The following ERBB4 variants were observed in gnomAD, a reference collection of about 807,000 sequenced individuals.
The protein encoded by ERBB4 is erb-b2 receptor tyrosine kinase 4.
In ERBB4, 42 loss-of-function variants were observed where a neutral mutation model predicts 158.0. That is an observed-to-expected ratio of 0.27 (90% CI 0.21 to 0.34). The LOEUF (loss-of-function observed/expected upper bound fraction) is 0.34, where lower values mean the gene tolerates loss of function less well. ERBB4 is among the 10% of genes least tolerant of loss of function. ERBB4 has a pLI of 1.00. For synonymous variants in ERBB4, 583 were observed against 558.7 expected (o/e 1.04, Z -0.61); for missense variants, 1,333 against 1,624.1 (o/e 0.82, Z 3.08).
intron 7 of ERBB4, among the ~76,000 whole-genome samples, chr2:211,720,628 T>C (rs545869203): frequency 1.3e-5 from 2 of 152,320 alleles, no homozygotes; most frequent in East Asian, 1.9e-4. Context: ...CTTATGTTCA[T>C]CTACATGCTG....
chr2:212,378,968 G>C (rs1198352704), intron 1 of ERBB4, among the ~76,000 whole-genome samples: 2 of 151,624 alleles, frequency 1.3e-5, no homozygotes, highest in Non-Finnish European at 3.0e-5. Context: ...GCACCCAGTT[G>C]TTTTTTCTTT....
intron 3 of ERBB4, among the ~76,000 whole-genome samples, chr2:211,832,595 T>C (rs1287611437): frequency 6.6e-6 from 1 of 150,662 alleles, no homozygotes; most frequent in African/African-American, 2.4e-5. Flanking sequence ...TATATACACA[T>C]AAACGTGTGT....
At chr2:211,573,910 C>A (rs1574782287) in intron 19 of ERBB4, among the ~76,000 whole-genome samples, 1 of 152,106 alleles carries the variant, frequency 6.6e-6, no homozygotes, top group African/African-American at 2.4e-5. Flanking sequence ...ATGTTGCTAC[C>A]AAATCTTTAG....
intron 19 of ERBB4, among the ~76,000 whole-genome samples, chr2:211,562,900 T>C (rs1206732112): frequency 1.3e-5 from 2 of 150,484 alleles, no homozygotes; most frequent in African/African-American, 4.9e-5. Context: ...GCCTCCCAAG[T>C]AGCTGGGACT....
intron 1 of ERBB4, among the ~76,000 whole-genome samples, chr2:212,297,965 A>C (rs1480020829): frequency 1.3e-5 from 2 of 150,828 alleles, no homozygotes; most frequent in Non-Finnish European, 3.0e-5. Context: ...AATAGCAAAT[A>C]AGTAAGAACA....
At chr2:211,829,655 T>C (rs1466380259) in intron 3 of ERBB4, among the ~76,000 whole-genome samples, 1 of 152,128 alleles carries the variant, frequency 6.6e-6, no homozygotes, top group Non-Finnish European at 1.5e-5. Context: ...TAACATATAT[T>C]GCATTAAAAA....
rs2073578338 is a variant in ERBB4, at chr2:211,709,248, T to TACAC, written c.1124+2801_1124+2802insGTGT. Among the ~76,000 whole-genome samples the TACAC allele has an allele frequency of 9.7e-5, 8 of 82,298 alleles. No individual in the cohort carries two copies. The South Asian group carries it at 2.1e-3, about 21-fold the overall frequency. The allele number at this position is 82,298 out of a possible 152,430, so 54.0% of individuals were successfully genotyped here. ...ATGCGTGTGTGTGTATATATATATA[T>TACAC]ATACACATATATATATATATATATA... is the stretch of plus-strand genomic sequence containing the variant. On this transcript the variant is annotated intron_variant, in intron 9 of 27. Transcript: ENST00000342788.
intron 2 of ERBB4, among the ~76,000 whole-genome samples, chr2:211,986,977 C>G (rs1359746265): frequency 6.6e-6 from 1 of 151,942 alleles, no homozygotes; most frequent in African/African-American, 2.4e-5. Flanking sequence ...TATGAAAACA[C>G]AAAATATAAA....
At chr2:212,044,341 G>A (rs969490720) in intron 2 of ERBB4, among the ~76,000 whole-genome samples, 2 of 152,018 alleles carry the variant, frequency 1.3e-5, no homozygotes, top group Non-Finnish European at 2.9e-5. Flanking sequence ...CAAGATATAA[G>A]TACAAGTTTA....
chr2:211,929,773 T>A (rs2080123410), intron 3 of ERBB4, among the ~76,000 whole-genome samples: 1 of 152,216 alleles, frequency 6.6e-6, no homozygotes, highest in African/African-American at 2.4e-5. Flanking sequence ...TGGCTATGCA[T>A]AATAGTTAGA....
At chr2:211,522,956 T>C (rs1319908169) in intron 20 of ERBB4, among the ~76,000 whole-genome samples, 1 of 151,558 alleles carries the variant, frequency 6.6e-6, no homozygotes, top group African/African-American at 2.4e-5. Context: ...ATCGTGGAGG[T>C]ACACCTATAC....
intron 2 of ERBB4, among the ~76,000 whole-genome samples, chr2:212,118,531 A>G (rs1212474200): frequency 6.8e-6 from 1 of 146,826 alleles, no homozygotes; most frequent in African/African-American, 2.5e-5. Context: ...ATGTCTTACG[A>G]AGAGTAGTTG....
intron 2 of ERBB4, among the ~76,000 whole-genome samples, chr2:212,034,328 A>G (rs978595445): frequency 6.6e-6 from 1 of 151,996 alleles, no homozygotes; most frequent in Non-Finnish European, 1.5e-5. Flanking sequence ...TAATGGACAA[A>G]ATATATAAAA....
At chr2:211,571,056 T>TG (rs1334214254) in intron 19 of ERBB4, among the ~76,000 whole-genome samples, 4 of 144,254 alleles carry the variant, frequency 2.8e-5, no homozygotes, top group African/African-American at 5.4e-5. Context: ...TTTTTTTTTT[T>TG]TTTTTGAGAC....
In ERBB4 at chr2:211,871,912, G is replaced by A. The variant is rs751737910; in HGVS notation, c.421+75518C>T. ...GGAGAGAGAGGGAGGAGAAGCAGGA[G>A]GAGGAAGACAGGGGAAACATCTAAA... On this transcript the variant is annotated intron_variant, in intron 3 of 27. Coordinates refer to ENST00000342788, the MANE Select transcript of ERBB4 (RefSeq NM_005235.3). Among the ~76,000 whole-genome samples the A allele has an allele frequency of 4.7e-4, 71 of 152,170 alleles. 1 individual carries two copies. Among genetic ancestry groups the A allele is most frequent in the Non-Finnish European group, 5.9e-5 (4 of 67,992 alleles).
chr2:211,695,844 T>C (rs1443318281), intron 12 of ERBB4, among the ~76,000 whole-genome samples: 1 of 152,218 alleles, frequency 6.6e-6, no homozygotes, highest in East Asian at 1.9e-4. Flanking sequence ...CATGTGTATA[T>C]ATGAATGTCT....
intron 2 of ERBB4, among the ~76,000 whole-genome samples, chr2:212,006,709 A>G (rs1207739284): frequency 6.6e-6 from 1 of 152,120 alleles, no homozygotes; most frequent in Non-Finnish European, 1.5e-5. Context: ...CATGATAAGT[A>G]TACCAAATTT....
At chr2:212,191,739 GTT>G (rs2082232404) in intron 1 of ERBB4, among the ~76,000 whole-genome samples, 2 of 144,784 alleles carry the variant, frequency 1.4e-5, no homozygotes, top group Admixed American at 1.4e-4. Context: ...TGTTATACAT[GTT>G]ACATATAACA....
At chr2:212,244,082 A>G (rs879850442) in intron 1 of ERBB4, among the ~76,000 whole-genome samples, 25 of 152,108 alleles carry the variant, frequency 1.6e-4, no homozygotes, top group Non-Finnish European at 3.7e-4. Flanking sequence ...CAGTGTAAAA[A>G]CCTTACGGTT....
Sources: allele counts gnomAD v4.1 joint callset (sites outside exome capture counted in the v4.1 genomes callset), GRCh38; gene constraint gnomAD v4.1.1; transcripts MANE v1.5; gene names NCBI Gene and HGNC (gene_info 2026-07-23, HGNC 2026-07-21).